The following CDH12 variants were observed in gnomAD, a reference collection of about 807,000 sequenced individuals.
The protein encoded by CDH12 is cadherin-12.
A neutral mutation model predicts 74.1 loss-of-function variants in CDH12; 41 were observed. The observed-to-expected ratio is 0.55, with a 90% confidence interval of 0.43 to 0.72. The LOEUF is 0.72. Ranked by LOEUF, CDH12 falls within the 30% of genes least tolerant of loss-of-function variation. The pLI is 0.00. For missense variants in CDH12, 945 were observed against 977.2 expected, an observed-to-expected ratio of 0.97 and a Z score of 0.44; for synonymous variants, 399 against 355.0, an observed-to-expected ratio of 1.12 and a Z score of -1.39.
Position 22,490,524 on chromosome 5 carries a change from A to C in CDH12, c.-428+14746T>G, listed in dbSNP as rs561100452. 4.6e-5 allele frequency among the ~76,000 whole-genome samples: 7 copies of C among 152,178 alleles called. No individual in the cohort carries two copies. In the South Asian group the frequency reaches 1.5e-3, roughly 32 times the overall value. Reference sequence around the variant, plus strand: ...AAGTGCTGATAAATATCCCCCATTCATAAGAAAAAAATTCACAAAGACAGA... The same window carrying C: ...AAGTGCTGATAAATATCCCCCATTCCTAAGAAAAAAATTCACAAAGACAGA... On this transcript the variant is annotated intron_variant, in intron 2 of 14. Transcript: ENST00000382254.
At position 21,883,739 on chromosome 5, in the gene CDH12, T is replaced by C. The variant is rs182262823; in HGVS notation, c.527-28949A>G. 1.9e-4 allele frequency: 310 copies of C among 1,590,390 alleles called. 1 individual carries two copies. In the African/African-American group the frequency reaches 3.8e-3, roughly 19 times the overall value. On this transcript the variant is annotated intron_variant, in intron 6 of 14. Coordinates refer to ENST00000382254, the MANE Select transcript of CDH12 (RefSeq NM_004061.5). ...TTGGGCAGTTAGATGTCACAACTAGTGAATATGAAAAGGAAAAACTGAATG... is the reference window on the plus strand; with the variant it reads ...TTGGGCAGTTAGATGTCACAACTAGCGAATATGAAAAGGAAAAACTGAATG...
At chr5:21,951,754 A>C (rs1252533977) in intron 6 of CDH12, among the ~76,000 whole-genome samples, 1 of 152,240 alleles carries the variant, frequency 6.6e-6, no homozygotes, top group Non-Finnish European at 1.5e-5. Flanking sequence ...ACTTCACTGC[A>C]CTATCTTCAT....
intron 3 of CDH12, among the ~76,000 whole-genome samples, chr5:22,230,918 A>G (rs377745282): frequency 3.3e-5 from 5 of 152,322 alleles, no homozygotes; most frequent in East Asian, 3.9e-4. Flanking sequence ...AGATGAAGGA[A>G]TAGCAGATAG....
chr5:22,656,305 ATATT>A (rs1306323593), intron 1 of CDH12, among the ~76,000 whole-genome samples: 1 of 152,222 alleles, frequency 6.6e-6, no homozygotes, highest in Non-Finnish European at 1.5e-5. Flanking sequence ...TTCAGATTGA[ATATT>A]TATCTTTAAA....
intron 1 of CDH12, among the ~76,000 whole-genome samples, chr5:22,515,430 T>G (rs1282327224): frequency 6.6e-6 from 1 of 152,118 alleles, no homozygotes; most frequent in Non-Finnish European, 1.5e-5. Context: ...ATTAAAACAG[T>G]GAGACGTGAA....
intron 1 of CDH12, among the ~76,000 whole-genome samples, chr5:22,686,622 A>G: frequency 6.6e-6 from 1 of 152,260 alleles, no homozygotes; most frequent in Admixed American, 6.5e-5. Context: ...ACATTTCTTG[A>G]AGAGTTTTTA....
At chr5:21,819,143 C>T (rs57758659) in intron 8 of CDH12, among the ~76,000 whole-genome samples, 35,114 of 151,820 alleles carry the variant, frequency 0.23, 4,477 homozygotes, top group East Asian at 0.4. Context: ...AGGAATCTAT[C>T]TGATTTCAAA....
chr5:22,657,004 TC>T (rs1303060092), intron 1 of CDH12, among the ~76,000 whole-genome samples: 2 of 152,044 alleles, frequency 1.3e-5, no homozygotes, highest in East Asian at 3.9e-4. Flanking sequence ...CACCTCAGTC[TC>T]CCAAAATGCT....
At chr5:22,008,527 C>T (rs1737101176) in intron 5 of CDH12, among the ~76,000 whole-genome samples, 1 of 152,192 alleles carries the variant, frequency 6.6e-6, no homozygotes, top group African/African-American at 2.4e-5. Flanking sequence ...CTGCACCCGA[C>T]TTACAAGCTC....
At chr5:22,537,829 C>A (rs539864776) in intron 1 of CDH12, among the ~76,000 whole-genome samples, 1 of 152,190 alleles carries the variant, frequency 6.6e-6, no homozygotes, top group Admixed American at 6.5e-5. Context: ...TGTTTGTTTC[C>A]GCTTTCTTTT....
At chr5:22,717,171 A>G (rs1235347464) in intron 1 of CDH12, among the ~76,000 whole-genome samples, 1 of 150,920 alleles carries the variant, frequency 6.6e-6, no homozygotes, top group Non-Finnish European at 1.5e-5. Context: ...CCCACCTCTC[A>G]CTCACTGACT....
chr5:22,234,277 C>T (rs913546836), intron 3 of CDH12, among the ~76,000 whole-genome samples: 1 of 152,090 alleles, frequency 6.6e-6, no homozygotes, highest in African/African-American at 2.4e-5. Context: ...AAATCTCAAC[C>T]TGAATTGAGC....
chr5:22,250,833 G>T (rs560019392), intron 3 of CDH12, among the ~76,000 whole-genome samples: 2 of 152,188 alleles, frequency 1.3e-5, no homozygotes, highest in South Asian at 2.1e-4. Context: ...CACTTAAAAA[G>T]CCATTGCAGA....
intron 4 of CDH12, among the ~76,000 whole-genome samples, chr5:22,095,680 C>A (rs559448632): frequency 6.6e-6 from 1 of 151,582 alleles, no homozygotes; most frequent in Non-Finnish European, 1.5e-5. Context: ...CCCTTCTCTC[C>A]GTGTCTCTAC....
At chr5:22,323,271 T>C (rs1339948336) in intron 3 of CDH12, among the ~76,000 whole-genome samples, 1 of 152,176 alleles carries the variant, frequency 6.6e-6, no homozygotes, top group African/African-American at 2.4e-5. Context: ...TGACTTCCTG[T>C]TATATATAAT....
intron 1 of CDH12, among the ~76,000 whole-genome samples, chr5:22,614,754 C>T (rs1297181654): frequency 6.6e-6 from 1 of 152,042 alleles, no homozygotes; most frequent in Non-Finnish European, 1.5e-5. Context: ...GAATATGTTC[C>T]AATATCCCCA....
chr5:22,181,695 T>A (rs1278714745), intron 4 of CDH12, among the ~76,000 whole-genome samples: 1 of 152,134 alleles, frequency 6.6e-6, no homozygotes, highest in Non-Finnish European at 1.5e-5. Flanking sequence ...GACACTATCA[T>A]CTTGCCCTGT....
At chr5:22,692,775 C>T (rs1169907340) in intron 1 of CDH12, among the ~76,000 whole-genome samples, 1 of 151,956 alleles carries the variant, frequency 6.6e-6, no homozygotes, top group Non-Finnish European at 1.5e-5. Flanking sequence ...GTTCAAATTA[C>T]ATTTGTAAAA....
intron 1 of CDH12, among the ~76,000 whole-genome samples, chr5:22,604,008 G>T (rs1266076800): frequency 6.6e-6 from 1 of 152,146 alleles, no homozygotes; most frequent in African/African-American, 2.4e-5. Flanking sequence ...ACAGCCAAGG[G>T]AATCTAGTTC....
Sources: gnomAD v4.1 joint callset for allele counts (sites outside exome capture counted in the v4.1 genomes callset) on GRCh38, gnomAD v4.1.1 for gene constraint, MANE v1.5 for transcripts, NCBI Gene and HGNC (gene_info 2026-07-23, HGNC 2026-07-21) for gene names.